STRAP: variants seen among roughly 807,000 people sequenced by gnomAD.
STRAP encodes serine-threonine kinase receptor-associated protein.
STRAP carries 16 observed loss-of-function variants against 47.0 expected under a neutral mutation model. That is an observed-to-expected ratio of 0.34 (90% confidence interval 0.23 to 0.52). The LOEUF is 0.52. Among genes scored for constraint, STRAP ranks in the 20% least tolerant of loss-of-function variants. STRAP has a pLI of 0.96. For missense variants in STRAP, 293 were observed against 420.0 expected, an observed-to-expected ratio of 0.70 and a Z score of 2.64; for synonymous variants, 130 against 142.7, an observed-to-expected ratio of 0.91 and a Z score of 0.63.
chr12:15,902,824 A>G (rs1000121931), intron 9 of STRAP, 93 bp from the exon 10 acceptor site: 48 of 1,380,052 alleles, frequency 3.5e-5, no homozygotes, highest in Non-Finnish European at 4.3e-5. Flanking sequence ...ACACTTTTTC[A>G]TTCCTTCATT....
intron 6 of STRAP, among the ~76,000 whole-genome samples, chr12:15,895,871 A>G (rs1948055537): frequency 6.6e-6 from 1 of 151,486 alleles, no homozygotes; most frequent in Non-Finnish European, 1.5e-5. Flanking sequence ...TGAAAAAAAA[A>G]AAAAAAAAAA....
chr12:15,883,801 T>G lies in STRAP; in HGVS notation c.248+125T>G. On this transcript the variant is annotated intron_variant, in intron 2 of 9. Transcript: ENST00000419869. ...CTGGCTGCCATACAGAACGCATGTT[T>G]GATCCCACCAAAATTCCATCGTGGT... The G allele has an allele frequency of 3.1e-6, 4 of 1,282,206 alleles. No individual in the cohort carries two copies. The South Asian group carries it at 6.1e-5, about 20-fold the overall frequency. The allele number at this position is 1,282,206 out of a possible 1,614,324, so 79.4% of individuals were successfully genotyped here. A position where few individuals can be genotyped will look rare whatever the true frequency, so the allele number is the denominator to read the frequency against.
At chr12:15,884,128 G>T (rs1947948054) in intron 2 of STRAP, among the ~76,000 whole-genome samples, 1 of 152,098 alleles carries the variant, frequency 6.6e-6, no homozygotes, top group South Asian at 2.1e-4. Context: ...AAACTCAGCT[G>T]CTCGTCATTT....
intron 8 of STRAP, 69 bp from the exon 9 acceptor site, chr12:15,900,877 TG>T (rs1948097593): frequency 7.7e-7 from 1 of 1,294,692 alleles, no homozygotes; most frequent in Non-Finnish European, 1.0e-6. Context: ...TTGCTCTTCT[TG>T]CTTATTGAAC....
At chr12:15,898,101 T>A in intron 7 of STRAP, 83 bp downstream of exon 7, 8 of 1,189,008 alleles carry the variant, frequency 6.7e-6, no homozygotes, top group East Asian at 3.2e-5. Context: ...TATATATATA[T>A]ATGTTACATA....
chr12:15,897,300 T>G (rs566116747), intron 6 of STRAP, among the ~76,000 whole-genome samples: 1 of 152,338 alleles, frequency 6.6e-6, no homozygotes, highest in South Asian at 2.1e-4. Flanking sequence ...CAGATGAAGC[T>G]GTTATTATGC....
chr12:15,889,842 G>T, intron 2 of STRAP, 86 bp from the exon 3 acceptor site: 4 of 1,021,930 alleles, frequency 3.9e-6, no homozygotes, highest in South Asian at 1.5e-5. Context: ...TAACTTATTT[G>T]GTACTCATCA....
At chr12:15,883,349 A>C (rs1947940221) in intron 1 of STRAP, among the ~76,000 whole-genome samples, 192 bp from the exon 2 acceptor site, 1 of 152,198 alleles carries the variant, frequency 6.6e-6, no homozygotes, top group Admixed American at 6.5e-5. Context: ...CTTTTCAGAG[A>C]GAATGATCTG....
At position 15,887,778 on chromosome 12, in the gene STRAP, C is replaced by T. The variant is rs1408418261; in HGVS notation, c.249-2150C>T. On this transcript the variant is annotated intron_variant, in intron 2 of 9. Coordinates refer to ENST00000419869, the MANE Select transcript of STRAP (RefSeq NM_007178.4). The surrounding 1 kb of genome is among the most constrained non-coding windows in gnomAD (Gnocchi z 5.5). Reference sequence around the variant, plus strand: ...ACTTAGGAGGCTGAGGTGGAAGGATCTTGAGGCCAGGAGTTCAAGTATAGC... The same window carrying T: ...ACTTAGGAGGCTGAGGTGGAAGGATTTTGAGGCCAGGAGTTCAAGTATAGC... Among the ~76,000 whole-genome samples, 2 of 151,848 alleles carry T rather than the reference C, an allele frequency of 1.3e-5. No individual in the cohort carries two copies. The highest frequency in any genetic ancestry group is 2.1e-4 in the South Asian group (1 of 4,822).
chr12:15,882,874 C>A, intron 1 of STRAP, 55 bp downstream of exon 1: 1 of 1,545,904 alleles, frequency 6.5e-7, no homozygotes, highest in Non-Finnish European at 8.8e-7. Flanking sequence ...TGAAAGGGAT[C>A]GGGACCCGCA....
At position 15,887,061 on chromosome 12, in the gene STRAP, C is replaced by A. The variant is rs1947978299; in HGVS notation, c.249-2867C>A. 6.6e-6 allele frequency among the ~76,000 whole-genome samples: 1 copy of A among 152,174 alleles called. No homozygotes were observed. Among genetic ancestry groups the A allele is most frequent in the Non-Finnish European group, 1.5e-5 (1 of 68,024 alleles). On this transcript the variant is annotated intron_variant, in intron 2 of 9. Coordinates refer to ENST00000419869, the MANE Select transcript of STRAP (RefSeq NM_007178.4). The surrounding 1 kb of genome is among the most constrained non-coding windows in gnomAD (Gnocchi z 5.5). The stretch of plus-strand genomic sequence containing the variant: ...AGGTAATCACAATGTATCACTCTTT[C>A]TTTCTTGTAAAGCCAATAGAAATAT...
At chr12:15,898,103 T>A in intron 7 of STRAP, 85 bp downstream of exon 7, 2 of 1,212,658 alleles carry the variant, frequency 1.6e-6, no homozygotes, top group Non-Finnish European at 2.2e-6. Flanking sequence ...TATATATATA[T>A]GTTACATATA....
At position 15,882,572 on chromosome 12, in the gene STRAP, C is replaced by T. The variant is rs1446862219; in HGVS notation, c.-136C>T. Reference sequence around the variant, plus strand: ...CCTAACCTCGGTGCCACCGGATTGCCCTTCTTTTCCTGTTGCCCAGCCCAG... The same window carrying T: ...CCTAACCTCGGTGCCACCGGATTGCTCTTCTTTTCCTGTTGCCCAGCCCAG... On this transcript the variant is annotated 5_prime_UTR_variant, in exon 1 of 10. Transcript: ENST00000419869. 8 of 704,478 alleles carry T rather than the reference C, an allele frequency of 1.1e-5. No homozygotes were observed. The East Asian group carries it at 1.6e-4, about 14-fold the overall frequency. 43.6% of individuals were successfully genotyped at this position (704,478 alleles called of 1,614,324 possible).
intron 2 of STRAP, among the ~76,000 whole-genome samples, chr12:15,884,563 T>A (rs1212676951): frequency 6.6e-6 from 1 of 151,768 alleles, no homozygotes; most frequent in Non-Finnish European, 1.5e-5. Flanking sequence ...TTTTACTACA[T>A]TTAAAAATAT....
At chr12:15,883,193 G>C (rs758066422) in intron 1 of STRAP, 23 of 1,460,980 alleles carry the variant, frequency 1.6e-5, no homozygotes, top group Non-Finnish European at 2.1e-5. Context: ...AAAGACGTTC[G>C]CTCTTGTCTC....
intron 4 of STRAP, among the ~76,000 whole-genome samples, chr12:15,892,227 T>C (rs1420058615): frequency 2.6e-5 from 4 of 152,188 alleles, no homozygotes; most frequent in Admixed American, 2.6e-4. Flanking sequence ...ATGTTTTTCT[T>C]ACTGGTTTTT....
chr12:15,900,197 A>G, intron 8 of STRAP, 144 bp downstream of exon 8: 1 of 970,946 alleles, frequency 1.0e-6, no homozygotes, highest in Non-Finnish European at 1.4e-6. Context: ...GCCCAGGATT[A>G]TAAATTGGCC....
Position 15,894,648 on chromosome 12 carries a change from G to A in STRAP, c.500+505G>A, listed in dbSNP as rs1231435491. Among the ~76,000 whole-genome samples the A allele has an allele frequency of 7.2e-5, 11 of 152,222 alleles. No homozygotes were observed. Among genetic ancestry groups the A allele is most frequent in the African/African-American group, 2.2e-4 (9 of 41,526 alleles). On this transcript the variant is annotated intron_variant, in intron 5 of 9. Transcript: ENST00000419869. This position sits in a 1 kb window ranked among gnomAD's most constrained non-coding sequence, Gnocchi z 4.9. ...AACCTGAAAATCTGAAATTTGAAAC[G>A]CTCTGAAATCTGAGACTTTGAGTGC...
At chr12:15,886,066 T>C (rs1013321890) in intron 2 of STRAP, among the ~76,000 whole-genome samples, 1 of 152,154 alleles carries the variant, frequency 6.6e-6, no homozygotes, top group Non-Finnish European at 1.5e-5. Context: ...TTTGTGATTT[T>C]TTTTTCCCCC....
Sources: gnomAD v4.1 joint callset for allele counts (sites outside exome capture counted in the v4.1 genomes callset) on GRCh38, gnomAD v4.1.1 for gene constraint, Gnocchi (gnomAD v3.1) non-coding constraint, MANE v1.5 for transcripts, NCBI Gene and HGNC (gene_info 2026-07-23, HGNC 2026-07-21) for gene names.